Variants in THADA observed in about 807,000 individuals in gnomAD.
The protein encoded by THADA is tRNA (32-2'-O)-methyltransferase regulator THADA.
In THADA, 213 loss-of-function variants were observed where a neutral mutation model predicts 219.8. The ratio of observed to expected loss-of-function variants is 0.97; its 90% CI spans 0.87 to 1.09. THADA has a LOEUF of 1.09. Among genes scored for constraint, THADA ranks in the 50% least tolerant of loss-of-function variants. The pLI is 0.00. For missense variants in THADA, 2,956 were observed against 2,311.3 expected (o/e 1.28, Z -5.72); for synonymous variants, 1,018 against 828.9 (o/e 1.23, Z -3.92).
chr2:43,411,256 C>A (rs1308169810), intron 28 of THADA, among the ~76,000 whole-genome samples: 1 of 152,202 alleles, frequency 6.6e-6, no homozygotes, highest in East Asian at 1.9e-4. Flanking sequence ...CACTGCAGAG[C>A]CTGTGCTAGT....
chr2:43,539,698 G>A (rs1695055034), intron 21 of THADA, among the ~76,000 whole-genome samples: 1 of 152,018 alleles, frequency 6.6e-6, no homozygotes, highest in Admixed American at 6.6e-5. Context: ...TCATTACAAC[G>A]GAAACTAATG....
At chr2:43,293,855 T>C in intron 31 of THADA, among the ~76,000 whole-genome samples, 1 of 152,226 alleles carries the variant, frequency 6.6e-6, no homozygotes, top group East Asian at 1.9e-4. Context: ...GCTGCTTTCC[T>C]GTGGACATGC....
intron 26 of THADA, among the ~76,000 whole-genome samples, chr2:43,432,137 T>C (rs904564295): frequency 1.9e-4 from 21 of 113,116 alleles, no homozygotes; most frequent in South Asian, 8.0e-4. Context: ...ATTACAGGCG[T>C]GAGCCACCGC....
intron 8 of THADA, among the ~76,000 whole-genome samples, chr2:43,579,896 T>A (rs1210399569): frequency 6.6e-6 from 1 of 152,150 alleles, no homozygotes. Flanking sequence ...CTGAACTTGT[T>A]ATGTGGGAAA....
At chr2:43,335,522 T>C (rs1241249497) in intron 30 of THADA, among the ~76,000 whole-genome samples, 2 of 152,106 alleles carry the variant, frequency 1.3e-5, no homozygotes, top group Non-Finnish European at 2.9e-5. Flanking sequence ...TTGATAAGAC[T>C]CTGTTCTGTT....
intron 26 of THADA, among the ~76,000 whole-genome samples, chr2:43,477,322 G>A (rs1685669930): frequency 6.6e-6 from 1 of 152,132 alleles, no homozygotes; most frequent in South Asian, 2.1e-4. Context: ...CATACTGCAT[G>A]CTATATCCCA....
chr2:43,485,855 C>T (rs1172368598), intron 25 of THADA, among the ~76,000 whole-genome samples: 4 of 150,944 alleles, frequency 2.6e-5, no homozygotes, highest in Admixed American at 1.3e-4. Context: ...TACAGTAAGA[C>T]CCCCATCTCA....
chr2:43,414,679 C>A (rs1389206544), intron 28 of THADA, among the ~76,000 whole-genome samples: 1 of 152,086 alleles, frequency 6.6e-6, no homozygotes, highest in Non-Finnish European at 1.5e-5. Flanking sequence ...AAAAACATGC[C>A]CCAAATGAAC....
At chr2:43,379,103 G>A (rs961579743) in intron 29 of THADA, among the ~76,000 whole-genome samples, 7 of 151,952 alleles carry the variant, frequency 4.6e-5, no homozygotes, top group Non-Finnish European at 8.8e-5. Context: ...AAATAATGAC[G>A]GATTAAAACT....
chr2:43,396,917 A>G (rs1407503317), intron 29 of THADA, among the ~76,000 whole-genome samples: 2 of 152,208 alleles, frequency 1.3e-5, no homozygotes, highest in Non-Finnish European at 2.9e-5. Context: ...GTATAGGTTT[A>G]TTAAAATTAA....
chr2:43,520,558 T>C (rs1301139094), intron 22 of THADA, among the ~76,000 whole-genome samples: 1 of 151,894 alleles, frequency 6.6e-6, no homozygotes, highest in African/African-American at 2.4e-5. Context: ...GGCATGGTGG[T>C]GCACACCTGT....
In THADA at chr2:43,547,008, A is replaced by T. The variant is rs550623528; in HGVS notation, c.3106+2202T>A. On this transcript the variant is annotated intron_variant, in intron 20 of 37. Coordinates refer to ENST00000405975, the MANE Select transcript of THADA (RefSeq NM_022065.5). ...TTGGCATGATTTTGCAGTGGCTGGT[A>T]CCGGTTGTTCCTTTCCATGTTTAGT... is the stretch of plus-strand genomic sequence containing the variant. Among the ~76,000 whole-genome samples the T allele has an allele frequency of 1.2e-3, 189 of 152,152 alleles. 1 individual carries two copies. Among genetic ancestry groups the T allele is most frequent in the African/African-American group, 4.5e-3 (186 of 41,524 alleles).
At chr2:43,493,235 A>C (rs1687867066) in intron 25 of THADA, among the ~76,000 whole-genome samples, 1 of 152,148 alleles carries the variant, frequency 6.6e-6, no homozygotes, top group Non-Finnish European at 1.5e-5. Flanking sequence ...AGTGGCTCAC[A>C]CCTGTAATTC....
At chr2:43,514,764 G>T (rs1574027898) in intron 22 of THADA, among the ~76,000 whole-genome samples, 2 of 81,314 alleles carry the variant, frequency 2.5e-5, no homozygotes, top group African/African-American at 5.2e-5. Context: ...TATATAATAT[G>T]TATAATATAT....
intron 30 of THADA, among the ~76,000 whole-genome samples, chr2:43,323,456 G>A (rs1366770272): frequency 6.6e-6 from 1 of 152,228 alleles, no homozygotes; most frequent in East Asian, 1.9e-4. Context: ...ATCCACTATG[G>A]AAAGCCCACA....
At chr2:43,322,818 T>C (rs1046197047) in intron 30 of THADA, among the ~76,000 whole-genome samples, 4 of 150,180 alleles carry the variant, frequency 2.7e-5, no homozygotes, top group Non-Finnish European at 5.9e-5. Flanking sequence ...CCGGAGTAGC[T>C]GGGACTACAG....
chr2:43,408,392 A>G (rs931839350), intron 28 of THADA: 2 of 152,230 alleles, frequency 1.3e-5, no homozygotes, highest in Non-Finnish European at 2.9e-5. Context: ...GTATTTATTT[A>G]AAGACAAGTT....
At chr2:43,468,689 TG>T (rs1474457077) in intron 26 of THADA, among the ~76,000 whole-genome samples, 1 of 152,132 alleles carries the variant, frequency 6.6e-6, no homozygotes, top group Non-Finnish European at 1.5e-5. Flanking sequence ...CTTAAGAATT[TG>T]GTATCTGAGG....
chr2:43,528,062 T>C, intron 21 of THADA, 74 bp from the exon 22 acceptor site: 1 of 1,075,000 alleles, frequency 9.3e-7, no homozygotes, highest in Non-Finnish European at 1.4e-6. Context: ...AGTAACACTG[T>C]TTAGAACCCA....
Sources: allele counts gnomAD v4.1 joint callset (sites outside exome capture counted in the v4.1 genomes callset), GRCh38; gene constraint gnomAD v4.1.1; transcripts MANE v1.5; gene names NCBI Gene and HGNC (gene_info 2026-07-23, HGNC 2026-07-21).